Variants in SGCD observed in about 807,000 individuals in gnomAD.
SGCD encodes the protein sarcoglycan delta.
In SGCD, 18 loss-of-function variants were observed where a neutral mutation model predicts 36.6. That is an observed-to-expected ratio of 0.49 (90% CI 0.34 to 0.73). The LOEUF is 0.73. Among genes scored for constraint, SGCD ranks in the 30% least tolerant of loss-of-function variants. SGCD has a pLI of 0.01. For missense variants in SGCD, 387 were observed against 346.7 expected (o/e 1.12, Z -0.92); for synonymous variants, 133 against 130.6 (o/e 1.02, Z -0.12).
intron 4 of SGCD, among the ~76,000 whole-genome samples, chr5:156,554,407 T>C (rs1758924925): frequency 6.6e-6 from 1 of 151,650 alleles, no homozygotes; most frequent in East Asian, 1.9e-4. Context: ...ACATAATTTT[T>C]ATTATGATAT....
At chr5:156,465,914 A>C (rs1276900012) in intron 3 of SGCD, among the ~76,000 whole-genome samples, 1 of 152,184 alleles carries the variant, frequency 6.6e-6, no homozygotes, top group Non-Finnish European at 1.5e-5. Context: ...TCATTACTTG[A>C]GACTATCAGA....
intron 3 of SGCD, among the ~76,000 whole-genome samples, chr5:156,265,376 G>A (rs1199690481): frequency 6.6e-6 from 1 of 152,044 alleles, no homozygotes. Flanking sequence ...CAGTTACGGA[G>A]AATGGATTTG....
chr5:156,506,733 C>A (rs987468920), intron 3 of SGCD, among the ~76,000 whole-genome samples: 2 of 152,050 alleles, frequency 1.3e-5, no homozygotes, highest in Non-Finnish European at 2.9e-5. Context: ...AAAGTAAAAA[C>A]CTCATTGGTT....
chr5:156,688,669 G>A (rs1753998167), intron 7 of SGCD, among the ~76,000 whole-genome samples: 1 of 152,160 alleles, frequency 6.6e-6, no homozygotes, highest in East Asian at 1.9e-4. Flanking sequence ...CTTTGTCATG[G>A]TAGAGTCATA....
intron 3 of SGCD, among the ~76,000 whole-genome samples, chr5:156,414,754 A>C (rs1183784098): frequency 1.3e-5 from 2 of 152,228 alleles, no homozygotes; most frequent in Admixed American, 1.3e-4. Context: ...CAACAATTAA[A>C]TATTTGGAAG....
chr5:156,043,239 G>A (rs1485874939), intron 1 of SGCD, among the ~76,000 whole-genome samples: 1 of 152,142 alleles, frequency 6.6e-6, no homozygotes, highest in Non-Finnish European at 1.5e-5. Flanking sequence ...TGCATCCTTA[G>A]AGCATGGAAC....
intron 3 of SGCD, among the ~76,000 whole-genome samples, chr5:156,347,631 C>T (rs187902961): frequency 3.3e-4 from 50 of 152,234 alleles, no homozygotes; most frequent in African/African-American, 1.2e-3. Flanking sequence ...TGAAGCTATC[C>T]TCTTAATCCC....
chr5:156,046,328 T>A (rs1759764498), intron 1 of SGCD, among the ~76,000 whole-genome samples: 1 of 152,032 alleles, frequency 6.6e-6, no homozygotes, highest in African/African-American at 2.4e-5. Flanking sequence ...TTGTTTTGCT[T>A]TTTTTCATCT....
intron 1 of SGCD, among the ~76,000 whole-genome samples, chr5:155,890,640 A>G (rs1218184649): frequency 8.1e-6 from 1 of 123,194 alleles, no homozygotes; most frequent in Non-Finnish European, 1.7e-5. Context: ...TAGACAGATG[A>G]TAGATAGATA....
chr5:156,281,061 A>C (rs1220178527), intron 3 of SGCD, among the ~76,000 whole-genome samples: 2 of 152,202 alleles, frequency 1.3e-5, no homozygotes, highest in Non-Finnish European at 2.9e-5. Flanking sequence ...AATTGTGTAC[A>C]TACAGAATTC....
In SGCD at chr5:156,033,330, G is replaced by A. The variant is rs148337162; in HGVS notation, c.-281-84548G>A. Among the ~76,000 whole-genome samples the A allele has an allele frequency of 2.3e-3, 347 of 152,108 alleles. 3 individuals carry two copies. Among genetic ancestry groups the A allele is most frequent in the African/African-American group, 7.8e-3 (323 of 41,478 alleles). ...TAAGGTTTGTGCTTCTAGTGTACCC[G>A]TCACCCAAATAGTGAACACTATACT... On this transcript the variant is annotated intron_variant, in intron 1 of 9. Coordinates refer to the SGCD transcript ENST00000517913.
chr5:156,500,529 A>T (rs1280860683), intron 3 of SGCD, among the ~76,000 whole-genome samples: 2 of 152,172 alleles, frequency 1.3e-5, no homozygotes, highest in Admixed American at 6.5e-5. Context: ...AGAATTAAAA[A>T]CCCGTCCAAT....
chr5:156,171,713 A>G (rs955621058), intron 3 of SGCD, among the ~76,000 whole-genome samples: 2 of 152,196 alleles, frequency 1.3e-5, no homozygotes, highest in Non-Finnish European at 2.9e-5. Context: ...TAAATTTTAA[A>G]TTATTTTAAA....
chr5:155,914,073 A>G (rs1409851129), intron 1 of SGCD, among the ~76,000 whole-genome samples: 3 of 152,224 alleles, frequency 2.0e-5, no homozygotes, highest in Non-Finnish European at 4.4e-5. Context: ...CCGAGGTCCA[A>G]GGACATAAGC....
the SGCD span, among the ~76,000 whole-genome samples, chr5:155,851,299 G>A: frequency 6.6e-6 from 1 of 152,162 alleles, no homozygotes; most frequent in Non-Finnish European, 1.5e-5. Flanking sequence ...CTTTCTGGAG[G>A]AACTCAAGAG....
At chr5:156,321,862 C>T (rs552808117), upstream of SGCD, among the ~76,000 whole-genome samples, 1 of 152,312 alleles carries the variant, frequency 6.6e-6, no homozygotes, top group South Asian at 2.1e-4. Flanking sequence ...TTCACATCCA[C>T]TTCTTGGCTT....
intron 4 of SGCD, among the ~76,000 whole-genome samples, chr5:156,564,076 G>GA (rs1488293472): frequency 6.6e-6 from 1 of 152,120 alleles, no homozygotes; most frequent in Non-Finnish European, 1.5e-5. Flanking sequence ...TTACTTATTG[G>GA]AAAAAAATAA....
chr5:156,624,554 C>G (rs1762373870), intron 6 of SGCD, among the ~76,000 whole-genome samples: 1 of 151,980 alleles, frequency 6.6e-6, no homozygotes, highest in Non-Finnish European at 1.5e-5. Flanking sequence ...GCACTCCAGC[C>G]TGGGTGACAG....
At chr5:156,672,340 G>A (rs1018374641) in intron 7 of SGCD, among the ~76,000 whole-genome samples, 1 of 152,182 alleles carries the variant, frequency 6.6e-6, no homozygotes, top group Non-Finnish European at 1.5e-5. Flanking sequence ...GTCTTAAACA[G>A]TAAGGGTGGT....
Sources: allele counts gnomAD v4.1 joint callset (sites outside exome capture counted in the v4.1 genomes callset), GRCh38; gene constraint gnomAD v4.1.1; transcripts MANE v1.5; gene names NCBI Gene and HGNC (gene_info 2026-07-23, HGNC 2026-07-21).